SLC12A9: variants seen among roughly 807,000 people sequenced by gnomAD.
SLC12A9 encodes the protein CCC-interacting protein 1.
In SLC12A9, 55 loss-of-function variants were observed where a neutral mutation model predicts 66.0. That is an observed-to-expected ratio of 0.83 (90% confidence interval 0.67 to 1.04). The LOEUF is 1.04. Among genes scored for constraint, SLC12A9 ranks in the 50% least tolerant of loss-of-function variants. The pLI is 0.00. For synonymous variants in SLC12A9, 577 were observed against 569.0 expected, an observed-to-expected ratio of 1.01 and a Z score of -0.20; for missense variants, 1,061 against 1,241.9, an observed-to-expected ratio of 0.85 and a Z score of 2.19.
At position 100,861,461 on chromosome 7, in the gene SLC12A9, C is replaced by G; in HGVS notation, c.1413C>G (p.Phe471Leu). The G allele has an allele frequency of 6.2e-7, 1 of 1,613,788 alleles. No homozygotes were observed. The highest frequency in any genetic ancestry group is 8.5e-7 in the Non-Finnish European group (1 of 1,180,030). ...TGGCCTCCTGCCTGCTCATGATGTT[C>G]CTCATCAGTCCTGGCGCGGCTGGTG... ...LGVASCLLMM[F>L]LISPGAAGGS... Residue 471 changes from phenylalanine to leucine, a missense_variant, in exon 11 of 14, where the codon TTC becomes TTG. Physicochemically the swap from Phe to Leu is conservative, Grantham distance 22. Coordinates refer to ENST00000354161, the MANE Select transcript of SLC12A9 (RefSeq NM_020246.4). The surrounding 1 kb of genome is among the most constrained non-coding windows in gnomAD (Gnocchi z 5.3).
chr7:100,831,634 G>A (rs976191173), intron 1 of SLC12A9, among the ~76,000 whole-genome samples: 5 of 152,188 alleles, frequency 3.3e-5, no homozygotes, highest in Non-Finnish European at 7.3e-5. Context: ...ACCATGCCCG[G>A]CTAATAAGTT....
intron 13 of SLC12A9, 150 bp from the exon 14 acceptor site, chr7:100,865,569 T>A: frequency 6.3e-7 from 1 of 1,582,984 alleles, no homozygotes; most frequent in Non-Finnish European, 8.6e-7. Flanking sequence ...TTTATGCAAA[T>A]ATGCAGAATG....
At position 100,866,419 on chromosome 7, in the gene SLC12A9, G is replaced by A. The variant is rs773850931; in HGVS notation, c.2559G>A (p.Pro853=). ...AQQGRGTGGG[P]GGPEGGDAEG... ...AGGGGCGCGGCACAGGAGGAGGGCC[G>A]GGTGGGCCGGAGGGTGGGGATGCTG... The change falls in exon 14 of 14, where the codon CCG becomes CCA. Residue 853 remains proline (P), a synonymous_variant. Coordinates refer to ENST00000354161, the MANE Select transcript of SLC12A9 (RefSeq NM_020246.4). The surrounding 1 kb of genome is among the most constrained non-coding windows in gnomAD (Gnocchi z 7.3). The A allele has an allele frequency of 6.5e-6, 10 of 1,545,336 alleles. No individual in the cohort carries two copies. Among genetic ancestry groups the A allele is most frequent in the African/African-American group, 1.4e-5 (1 of 73,026 alleles).
At chr7:100,829,339 G>A (rs1284063043) in intron 1 of SLC12A9, among the ~76,000 whole-genome samples, 1 of 152,212 alleles carries the variant, frequency 6.6e-6, no homozygotes, top group East Asian at 1.9e-4. Context: ...AGCCCAGCAA[G>A]AGAGACGTTG....
Position 100,857,251 on chromosome 7 carries a change from C to G in SLC12A9, c.757+75C>G, listed in dbSNP as rs1319749835. Reference sequence around the variant, plus strand: ...ACGTCGGGCCGGGCCCGTAAAACCTCTGGATGAGCACAGGTGTCAGAGGGA... The same window carrying G: ...ACGTCGGGCCGGGCCCGTAAAACCTGTGGATGAGCACAGGTGTCAGAGGGA... On this transcript the variant is annotated intron_variant, in intron 5 of 13. Coordinates refer to ENST00000354161, the MANE Select transcript of SLC12A9 (RefSeq NM_020246.4). 3 of 1,481,800 alleles carry G rather than the reference C, an allele frequency of 2.0e-6. No individual in the cohort carries two copies. In the Admixed American group the frequency reaches 5.6e-5, roughly 28 times the overall value. 91.8% of individuals were successfully genotyped at this position (1,481,800 alleles called of 1,614,324 possible). A position where few individuals can be genotyped will look rare whatever the true frequency, so the allele number is the denominator to read the frequency against.
At chr7:100,831,598 CT>C (rs1813544433) in intron 1 of SLC12A9, among the ~76,000 whole-genome samples, 1 of 152,232 alleles carries the variant, frequency 6.6e-6, no homozygotes, top group African/African-American at 2.4e-5. Context: ...CCTCAGCCTC[CT>C]GAGGAGCTGG....
intron 1 of SLC12A9, among the ~76,000 whole-genome samples, chr7:100,838,369 T>C (rs1813711336): frequency 6.6e-6 from 1 of 152,142 alleles, no homozygotes; most frequent in Non-Finnish European, 1.5e-5. Flanking sequence ...CTAAAAGAGG[T>C]TCTGGAGTTG....
intron 13 of SLC12A9, among the ~76,000 whole-genome samples, chr7:100,863,062 CTTTTTTT>C (rs759001347): frequency 2.2e-5 from 3 of 136,518 alleles, no homozygotes; most frequent in South Asian, 2.4e-4. Context: ...TTTCCTTCTT[CTTTTTTT>C]TTTTTTTTTT....
At chr7:100,844,547 G>A (rs1813863134) in intron 1 of SLC12A9, among the ~76,000 whole-genome samples, 1 of 152,094 alleles carries the variant, frequency 6.6e-6, no homozygotes, top group Non-Finnish European at 1.5e-5. Context: ...AAGTACATCT[G>A]TCATAAATTA....
upstream of SLC12A9, among the ~76,000 whole-genome samples, chr7:100,848,698 A>G (rs962758472): frequency 4.6e-5 from 7 of 151,954 alleles, no homozygotes; most frequent in Non-Finnish European, 8.8e-5. Flanking sequence ...CATTCTGGCT[A>G]ACACGGTGAA....
In SLC12A9 at chr7:100,856,938, G is replaced by C. The variant is rs759021504; in HGVS notation, c.519G>C (p.Leu173=). Residue 173 remains leucine, a synonymous_variant, in exon 5 of 14, where the codon CTG becomes CTC. Transcript: ENST00000354161. ...GCTGGAACCTGCTGTATGGCTCCCT[G>C]CTGCTGGGCCTTGTGGGTGGGGTCT... ...GYGWNLLYGS[L]LLGLVGGVCT... 14 of 1,612,958 alleles carry C rather than the reference G, an allele frequency of 8.7e-6. No individual in the cohort carries two copies. The highest frequency in any genetic ancestry group is 1.3e-5 in the African/African-American group (1 of 75,054).
rs772811183 is a variant in SLC12A9 at position 100,866,079 on chromosome 7, A to C, written c.2219A>C (p.Tyr740Ser). The C allele has an allele frequency of 7.4e-6, 12 of 1,612,830 alleles. No individual in the cohort carries two copies. In the South Asian group the frequency reaches 1.2e-4, roughly 16 times the overall value. ...CTGCGGCCCCGGGGTGGGCCCGGCT[A>C]TGTGGATGTCTGCGGCCTCTTCCTG... is the stretch of plus-strand genomic sequence containing the variant. ...NLLRPRGGPGYVDVCGLFLLQ... is the reference protein window; with the variant it reads ...NLLRPRGGPGSVDVCGLFLLQ... Residue 740 changes from tyrosine (Y) to serine (S), a missense_variant, in exon 14 of 14, where the codon TAT becomes TCT. Tyr to Ser is a moderately radical substitution (Grantham distance 144). Coordinates refer to ENST00000354161, the MANE Select transcript of SLC12A9 (RefSeq NM_020246.4). The surrounding 1 kb of genome is among the most constrained non-coding windows in gnomAD (Gnocchi z 7.3).
At chr7:100,833,437 C>G (rs1432003955) in intron 1 of SLC12A9, among the ~76,000 whole-genome samples, 2 of 151,972 alleles carry the variant, frequency 1.3e-5, no homozygotes, top group Non-Finnish European at 2.9e-5. Flanking sequence ...CCACTGCACT[C>G]CAGGCTGGGT....
At chr7:100,865,382 G>A (rs759400118) in intron 13 of SLC12A9, 25 of 1,536,022 alleles carry the variant, frequency 1.6e-5, no homozygotes, top group South Asian at 1.3e-4. Flanking sequence ...ATCCCCTGCC[G>A]TGAAACAGAT....
At chr7:100,828,192 G>A (rs1813465616) in intron 1 of SLC12A9, among the ~76,000 whole-genome samples, 1 of 152,200 alleles carries the variant, frequency 6.6e-6, no homozygotes, top group African/African-American at 2.4e-5. Context: ...CAGAGGAGGC[G>A]CGCACTAAGC....
At chr7:100,855,651 C>T (rs79055448) in intron 3 of SLC12A9, 55 bp from the exon 4 acceptor site, 1 of 1,610,982 alleles carries the variant, frequency 6.2e-7, no homozygotes, top group African/African-American at 1.3e-5. Context: ...ATGGCAACTT[C>T]CTCACGTCCA....
intron 1 of SLC12A9, among the ~76,000 whole-genome samples, chr7:100,839,426 A>T (rs1216499750): frequency 6.6e-6 from 1 of 151,892 alleles, no homozygotes; most frequent in Non-Finnish European, 1.5e-5. Flanking sequence ...TCTTTAACTC[A>T]GTGTCTGAGG....
chr7:100,845,834 G>A (rs183678317), intron 1 of SLC12A9, among the ~76,000 whole-genome samples: 1 of 152,314 alleles, frequency 6.6e-6, no homozygotes, highest in African/African-American at 2.4e-5. Context: ...GACGGCTCGT[G>A]AAGATACTGG....
At chr7:100,865,588 A>C in intron 13 of SLC12A9, 131 bp from the exon 14 acceptor site, 1 of 1,572,356 alleles carries the variant, frequency 6.4e-7, no homozygotes, top group African/African-American at 1.3e-5. Flanking sequence ...TGTTGCCGTA[A>C]GAGCCCGTAC....
Sources: allele counts gnomAD v4.1 joint callset (sites outside exome capture counted in the v4.1 genomes callset), GRCh38; gene constraint gnomAD v4.1.1; non-coding constraint Gnocchi (gnomAD v3.1); transcripts MANE v1.5; gene names NCBI Gene and HGNC (gene_info 2026-07-23, HGNC 2026-07-21).